Variants in GSG1L2 observed in about 807,000 individuals in gnomAD.
GSG1L2 encodes germ cell-specific gene 1-like protein 2.
A neutral mutation model predicts 9.0 loss-of-function variants in GSG1L2; 15 were observed. The observed-to-expected ratio is 1.67, with a 90% CI of 1.12 to 2.57. The LOEUF is 2.57. Among genes scored for constraint, GSG1L2 ranks in the 30% most tolerant of loss-of-function variants. The pLI, the probability that GSG1L2 is intolerant of heterozygous loss-of-function variation, is 0.00. For missense variants in GSG1L2, 286 were observed against 150.3 expected (o/e 1.90, Z -4.72); for synonymous variants, 127 against 57.9 (o/e 2.19, Z -5.41).
At chr17:9,815,338 C>A (rs1449125181) in intron 1 of GSG1L2, among the ~76,000 whole-genome samples, 1 of 152,146 alleles carries the variant, frequency 6.6e-6, no homozygotes, top group Non-Finnish European at 1.5e-5. Context: ...TGCAGTGAGG[C>A]AAGATTCCAT....
intron 1 of GSG1L2, among the ~76,000 whole-genome samples, chr17:9,816,818 C>CTG (rs1248639540): frequency 1.2e-4 from 17 of 146,112 alleles, no homozygotes; most frequent in African/African-American, 1.8e-4. Flanking sequence ...TCTGTTGTAT[C>CTG]TGTGTGTGTC....
At position 9,817,328 on chromosome 17, in the gene GSG1L2, G is replaced by A. The variant is rs192709081; in HGVS notation, c.310+4434C>T. On this transcript the variant is annotated intron_variant, in intron 1 of 4. Coordinates refer to ENST00000399363, the MANE Select transcript of GSG1L2 (RefSeq NM_001310219.2). ...ACTGATGAAGCAGCTCCCTCCCATT[G>A]GTCTAATTTTCCAACTCTGTCTTCA... Among the ~76,000 whole-genome samples, 14 of 151,944 alleles carry A rather than the reference G, an allele frequency of 9.2e-5. No individual in the cohort carries two copies. The East Asian group carries it at 2.5e-3, about 27-fold the overall frequency.
chr17:9,808,833 C>G lies in GSG1L2; in HGVS notation c.508G>C (p.Ala170Pro). The G allele has an allele frequency of 1.4e-6, 1 of 702,856 alleles. No individual in the cohort carries two copies. The highest frequency in any genetic ancestry group is 2.6e-6 in the Non-Finnish European group (1 of 384,942). 43.5% of individuals were successfully genotyped at this position (702,856 alleles called of 1,614,324 possible). Reference protein sequence around the residue: ...DALVAIFMVLAGLLGMVAHMM... With the variant: ...DALVAIFMVLPGLLGMVAHMM... Reference sequence around the variant, plus strand: ...CAAGGATGCTGTTGGAAAGTACCTGCCAGCACCATGAAGATGGCTACCAAG... The same window carrying G: ...CAAGGATGCTGTTGGAAAGTACCTGGCAGCACCATGAAGATGGCTACCAAG... The change falls in exon 3 of 5, where the codon GCA (alanine) becomes CCA (proline). Residue 170 changes from alanine to proline, a missense_variant. Coordinates refer to ENST00000399363, the MANE Select transcript of GSG1L2 (RefSeq NM_001310219.2).
intron 1 of GSG1L2, among the ~76,000 whole-genome samples, chr17:9,813,282 A>G (rs2066546311): frequency 6.6e-6 from 1 of 152,174 alleles, no homozygotes; most frequent in Non-Finnish European, 1.5e-5. Flanking sequence ...GGGAGAAGAG[A>G]AACTCAGGTT....
chr17:9,810,373 A>G (rs1197439905), intron 2 of GSG1L2, 198 bp downstream of exon 2: 1 of 588,896 alleles, frequency 1.7e-6, no homozygotes, highest in East Asian at 2.8e-5. Context: ...CACCCTACAA[A>G]GTTGGCTGTT....
chr17:9,808,104 C>T (rs1038533336), intron 3 of GSG1L2, among the ~76,000 whole-genome samples: 3 of 152,014 alleles, frequency 2.0e-5, no homozygotes, highest in Non-Finnish European at 4.4e-5. Context: ...AGGAAAGATG[C>T]ATTACACTTA....
At chr17:9,821,117 T>C (rs766485563) in intron 1 of GSG1L2, among the ~76,000 whole-genome samples, 6 of 152,176 alleles carry the variant, frequency 3.9e-5, no homozygotes, top group Non-Finnish European at 8.8e-5. Flanking sequence ...AGGAAAGAAA[T>C]GGGGATGGGA....
At position 9,816,772 on chromosome 17, in the gene GSG1L2, CGTGT is replaced by C. The variant is rs1182169138; in HGVS notation, c.310+4986_310+4989del. On this transcript the variant is annotated intron_variant, in intron 1 of 4. Coordinates refer to ENST00000399363, the MANE Select transcript of GSG1L2 (RefSeq NM_001310219.2). Reference sequence around the variant, plus strand: ...GTGTGTGTATCTGTGTCTGTGTGTGCGTGTGTGTCTGTGTGTGCGTATCTGTGTA... The same window carrying C: ...GTGTGTGTATCTGTGTCTGTGTGTGCGTGTCTGTGTGTGCGTATCTGTGTA... Among the ~76,000 whole-genome samples the C allele has an allele frequency of 4.9e-4, 32 of 64,698 alleles. No individual in the cohort carries two copies. In the East Asian group the frequency reaches 0.051, roughly 103 times the overall value. The allele number at this position is 64,698 out of a possible 152,430, so 42.4% of individuals were successfully genotyped here. A position where few individuals can be genotyped will look rare whatever the true frequency, so the allele number is the denominator to read the frequency against.
intron 4 of GSG1L2, among the ~76,000 whole-genome samples, chr17:9,807,155 T>G (rs147923382): frequency 1.1e-4 from 17 of 152,192 alleles, no homozygotes; most frequent in Admixed American, 7.8e-4. Context: ...CCAGTTGAAG[T>G]TATTTATTAG....
rs569647999 is a variant in GSG1L2 at position 9,807,555 on chromosome 17, T to C, written c.558A>G (p.Gln186=). The C allele has an allele frequency of 1.4e-6, 1 of 703,202 alleles. No homozygotes were observed. The highest frequency in any genetic ancestry group is 2.6e-6 in the Non-Finnish European group (1 of 385,018). The allele number at this position is 703,202 out of a possible 1,614,324, so 43.6% of individuals were successfully genotyped here. The change falls in exon 4 of 5, where the codon CAA becomes CAG. Residue 186 remains glutamine, a synonymous_variant. Coordinates refer to ENST00000399363, the MANE Select transcript of GSG1L2 (RefSeq NM_001310219.2). ...VAHMMYTTIF[Q]ITVNLGPEDW... Reference sequence around the variant, plus strand: ...CTTCTGGTCCAAGGTTCACAGTGATTTGAAAAATGGTTGTGTACATCATGT... The same window carrying C: ...CTTCTGGTCCAAGGTTCACAGTGATCTGAAAAATGGTTGTGTACATCATGT...
chr17:9,813,204 C>T (rs187045641), intron 1 of GSG1L2, among the ~76,000 whole-genome samples: 3 of 152,130 alleles, frequency 2.0e-5, no homozygotes, highest in Non-Finnish European at 2.9e-5. Flanking sequence ...TGCCCATGCT[C>T]GTGAATTTCC....
At chr17:9,818,711 A>G (rs552050047) in intron 1 of GSG1L2, among the ~76,000 whole-genome samples, 16 of 152,014 alleles carry the variant, frequency 1.1e-4, no homozygotes, top group Admixed American at 7.9e-4. Context: ...CACCAAAAGA[A>G]CAGGGCTAAA....
chr17:9,811,357 G>A (rs571871810), intron 1 of GSG1L2, among the ~76,000 whole-genome samples: 10 of 152,298 alleles, frequency 6.6e-5, no homozygotes, highest in Middle Eastern at 3.4e-3. Flanking sequence ...GGCAGAAGCC[G>A]CCACCAGACT....
At chr17:9,814,178 T>C (rs9901529) in intron 1 of GSG1L2, among the ~76,000 whole-genome samples, 87,414 of 152,052 alleles carry the variant, frequency 0.57, 27,134 homozygotes, top group East Asian at 0.99. Context: ...TCGTGATCCG[T>C]CCGCCTCGGC....
rs568417062 is a variant in GSG1L2, at chr17:9,803,263, C to T, written c.624-619G>A. Among the ~76,000 whole-genome samples the T allele has an allele frequency of 9.2e-5, 14 of 152,228 alleles. No homozygotes were observed. The East Asian group carries it at 1.5e-3, about 17-fold the overall frequency. ...GACCACAGGCATGCGCCACCACACC[C>T]GGCTAATTTTTGTATTTTTAGTAGA... On this transcript the variant is annotated intron_variant, in intron 4 of 4. Coordinates refer to ENST00000399363, the MANE Select transcript of GSG1L2 (RefSeq NM_001310219.2).
intron 1 of GSG1L2, among the ~76,000 whole-genome samples, chr17:9,817,710 C>A (rs138989793): frequency 2.2e-3 from 332 of 152,238 alleles, no homozygotes; most frequent in Non-Finnish European, 4.1e-3. Flanking sequence ...CAGATGTGAG[C>A]CACCATACCT....
At chr17:9,818,787 C>T (rs77677236) in intron 1 of GSG1L2, among the ~76,000 whole-genome samples, 1 of 32,804 alleles carries the variant, frequency 3.0e-5, no homozygotes, top group Non-Finnish European at 4.5e-5. Context: ...CTAACAAAGG[C>T]GGATGACTTT....
intron 1 of GSG1L2, among the ~76,000 whole-genome samples, chr17:9,812,627 A>G (rs1004027411): frequency 6.6e-5 from 10 of 151,648 alleles, no homozygotes; most frequent in Non-Finnish European, 1.5e-4. Flanking sequence ...AGCTTCTTTC[A>G]TTTTTTTTAT....
chr17:9,809,882 G>A (rs1037245613), intron 2 of GSG1L2: 1 of 152,328 alleles, frequency 6.6e-6, no homozygotes, highest in Non-Finnish European at 1.5e-5. Flanking sequence ...AAACATGGGG[G>A]TGGAGGGTCT....
Sources: gnomAD v4.1 joint callset for allele counts (sites outside exome capture counted in the v4.1 genomes callset) on GRCh38, gnomAD v4.1.1 for gene constraint, MANE v1.5 for transcripts, NCBI Gene and HGNC (gene_info 2026-07-23, HGNC 2026-07-21) for gene names.